The following BPIFC variants were observed in gnomAD, a reference collection of about 807,000 sequenced individuals.
BPIFC encodes BPI fold containing family C.
Under a neutral mutation model 57.6 loss-of-function variants are expected in BPIFC, and 60 were observed. That is an observed-to-expected ratio of 1.04 (90% confidence interval 0.85 to 1.29). The LOEUF (loss-of-function observed/expected upper bound fraction) is 1.29, where lower values mean the gene tolerates loss of function less well. BPIFC is among the 50% of genes most tolerant of loss of function. BPIFC has a pLI of 0.00. For synonymous variants in BPIFC, 243 were observed against 224.5 expected (o/e 1.08, Z -0.74); for missense variants, 581 against 600.5 (o/e 0.97, Z 0.34).
At chr22:32,441,936 T>A (rs934022524) in intron 8 of BPIFC, among the ~76,000 whole-genome samples, 1 of 152,142 alleles carries the variant, frequency 6.6e-6, no homozygotes, top group Non-Finnish European at 1.5e-5. Context: ...GCATGCACGG[T>A]TCACAATAGG....
chr22:32,430,632 A>G (rs1469580406), intron 13 of BPIFC, among the ~76,000 whole-genome samples: 1 of 149,834 alleles, frequency 6.7e-6, no homozygotes, highest in African/African-American at 2.4e-5. Context: ...ATAATATAAA[A>G]TATGTGAGAG....
At position 32,446,016 on chromosome 22, in the gene BPIFC, G is replaced by T. The variant is rs73884917; in HGVS notation, c.375-20C>A. On this transcript the variant is annotated intron_variant, in intron 5 of 16. Coordinates refer to ENST00000300399, the MANE Select transcript of BPIFC (RefSeq NM_174932.3). ...TCTTGGCTGTTTAAAGAAGTGCAAG[G>T]TTATCCAAGCCTGAGTCAGGCACAG... is the stretch of plus-strand genomic sequence containing the variant. 2.4e-5 allele frequency: 39 copies of T among 1,612,436 alleles called. No homozygotes were observed. The highest frequency in any genetic ancestry group is 3.3e-5 in the Non-Finnish European group (39 of 1,179,022).
intron 16 of BPIFC, 115 bp from the exon 17 acceptor site, chr22:32,414,540 C>G: frequency 1.5e-6 from 2 of 1,304,140 alleles, no homozygotes; most frequent in Non-Finnish European, 2.1e-6. Context: ...GAGATGGAGT[C>G]TCAAAGGCTG....
chr22:32,417,778 C>G (rs1933725245), intron 14 of BPIFC, among the ~76,000 whole-genome samples: 1 of 152,208 alleles, frequency 6.6e-6, no homozygotes. Flanking sequence ...CCTTTACTTA[C>G]TGGGAATCTC....
At position 32,464,407 on chromosome 22, in the gene BPIFC, A is replaced by G. The variant is rs768957743; in HGVS notation, c.-122T>C. 1.1e-5 allele frequency: 11 copies of G among 985,362 alleles called. No homozygotes were observed. The highest frequency in any genetic ancestry group is 1.3e-5 in the Non-Finnish European group (11 of 829,902). The allele number at this position is 985,362 out of a possible 1,614,324, so 61.0% of individuals were successfully genotyped here. A position where few individuals can be genotyped will look rare whatever the true frequency, so the allele number is the denominator to read the frequency against. ...GAGGAAGTGTCCAAAGCTGGAGAGCACCTTCGATTCTCTCTGCCTTTGAAG... is the reference window on the plus strand; with the variant it reads ...GAGGAAGTGTCCAAAGCTGGAGAGCGCCTTCGATTCTCTCTGCCTTTGAAG... On this transcript the variant is annotated 5_prime_UTR_variant, in exon 1 of 17. Transcript: ENST00000300399.
At chr22:32,443,946 G>T (rs186699101) in intron 7 of BPIFC, among the ~76,000 whole-genome samples, 32 of 152,322 alleles carry the variant, frequency 2.1e-4, no homozygotes, top group East Asian at 7.7e-4. Flanking sequence ...GAAAACCAAA[G>T]CTTAGAGAGG....
At chr22:32,417,063 T>C (rs1329034988) in intron 15 of BPIFC, 22 bp downstream of exon 15, 1 of 1,562,974 alleles carries the variant, frequency 6.4e-7, no homozygotes, top group Non-Finnish European at 8.8e-7. Flanking sequence ...TACAGTCACA[T>C]TGTTTTCCAA....
At chr22:32,444,445 G>A (rs539534629) in intron 7 of BPIFC, among the ~76,000 whole-genome samples, 3 of 152,260 alleles carry the variant, frequency 2.0e-5, no homozygotes, top group South Asian at 2.1e-4. Context: ...AGAGATGGAC[G>A]TGACCAGACC....
At chr22:32,436,414 AAGAAGG>A (rs201728227) in intron 9 of BPIFC, among the ~76,000 whole-genome samples, 1,657 of 150,340 alleles carry the variant, frequency 0.011, 32 homozygotes, top group African/African-American at 0.031. Context: ...GAGGAGGGAA[AAGAAGG>A]AGAAGGAGAA....
intron 13 of BPIFC, among the ~76,000 whole-genome samples, chr22:32,424,495 G>A (rs868685504): frequency 2.6e-5 from 4 of 151,598 alleles, no homozygotes; most frequent in Middle Eastern, 3.2e-3. Flanking sequence ...TCAACTTAGC[G>A]TGACTCCATG....
intron 4 of BPIFC, among the ~76,000 whole-genome samples, chr22:32,450,234 T>C (rs374682643): frequency 2.0e-5 from 3 of 152,282 alleles, no homozygotes; most frequent in South Asian, 2.1e-4. Flanking sequence ...GATACAAAAG[T>C]ACTTACCATT....
intron 2 of BPIFC, among the ~76,000 whole-genome samples, chr22:32,457,800 C>T (rs1293477565): frequency 6.6e-6 from 1 of 152,190 alleles, no homozygotes; most frequent in Non-Finnish European, 1.5e-5. Context: ...AGTCATTTTA[C>T]CCTGGGCTCA....
intron 13 of BPIFC, among the ~76,000 whole-genome samples, chr22:32,427,335 G>T (rs1934096372): frequency 6.6e-6 from 1 of 152,154 alleles, no homozygotes; most frequent in Non-Finnish European, 1.5e-5. Context: ...GCTTCTTAAA[G>T]TCTTTTGCAC....
intron 9 of BPIFC, among the ~76,000 whole-genome samples, chr22:32,436,388 G>A (rs991217559): frequency 0.022 from 2,580 of 115,434 alleles, 56 homozygotes; most frequent in African/African-American, 0.057. Context: ...AAGAGGAGGA[G>A]GAGGAAGAGG....
rs1208104001 is a variant in BPIFC at position 32,435,741 on chromosome 22, G to A, written c.887C>T (p.Thr296Ile). 2 of 1,614,030 alleles carry A rather than the reference G, an allele frequency of 1.2e-6. No homozygotes were observed. The highest frequency in any genetic ancestry group is 1.3e-5 in the African/African-American group (1 of 74,938). ...FFKSASFAHF[T>I]AGVFNVTLST... ...GAGAGTGACATTGAAAACCCCAGCT[G>A]TGAAATGAGCAAAGGACGCAGATTT... Residue 296 changes from threonine to isoleucine, a missense_variant, in exon 10 of 17, where the codon ACA (threonine) becomes ATA (isoleucine). By Grantham distance (89) the Thr-to-Ile change is moderately conservative. Coordinates refer to ENST00000300399, the MANE Select transcript of BPIFC (RefSeq NM_174932.3).
chr22:32,428,452 T>C (rs1934135676), intron 13 of BPIFC, among the ~76,000 whole-genome samples: 1 of 151,870 alleles, frequency 6.6e-6, no homozygotes, highest in South Asian at 2.1e-4. Context: ...GCTTTTAAAG[T>C]ATTGTGGCTC....
At chr22:32,435,021 A>T (rs191987804) in intron 10 of BPIFC, among the ~76,000 whole-genome samples, 4 of 152,286 alleles carry the variant, frequency 2.6e-5, no homozygotes, top group Admixed American at 2.0e-4. Context: ...AGCAACAGTT[A>T]TATCGCACTT....
At position 32,442,854 on chromosome 22, in the gene BPIFC, C is replaced by T. The variant is rs903526972; in HGVS notation, c.595-123G>A. The T allele has an allele frequency of 7.0e-5, 62 of 890,402 alleles. 1 individual carries two copies. The highest frequency in any genetic ancestry group is 6.5e-4 in the Middle Eastern group (3 of 4,610). 55.2% of individuals were successfully genotyped at this position (890,402 alleles called of 1,614,324 possible). A position where few individuals can be genotyped will look rare whatever the true frequency, so the allele number is the denominator to read the frequency against. On this transcript the variant is annotated intron_variant, in intron 7 of 16. Transcript: ENST00000300399. ...TAGCAGTCATTATCCCTTTGGTCAT[C>T]GAGACATTCTCTTAAATTTGTTGAT...
chr22:32,462,176 A>G (rs1232150573), intron 1 of BPIFC, among the ~76,000 whole-genome samples: 2 of 149,168 alleles, frequency 1.3e-5, no homozygotes, highest in Non-Finnish European at 3.0e-5. Flanking sequence ...CTCAAAAAAA[A>G]AAAAAAAAAA....
Sources: allele counts gnomAD v4.1 joint callset (sites outside exome capture counted in the v4.1 genomes callset), GRCh38; gene constraint gnomAD v4.1.1; transcripts MANE v1.5; gene names NCBI Gene and HGNC (gene_info 2026-07-23, HGNC 2026-07-21).